VWA8: variants seen among roughly 807,000 people sequenced by gnomAD.
VWA8 encodes von Willebrand factor A domain containing 8.
Under a neutral mutation model 241.5 loss-of-function variants are expected in VWA8, and 221 were observed. The observed-to-expected ratio is 0.91, with a 90% CI of 0.82 to 1.02. The LOEUF is 1.02. Among genes scored for constraint, VWA8 ranks in the 50% least tolerant of loss-of-function variants. The probability of loss-of-function intolerance (pLI) is 0.00; values close to 1 mark genes in which losing one functional copy is unlikely to be tolerated. For synonymous variants in VWA8, 852 were observed against 827.1 expected (o/e 1.03, Z -0.52); for missense variants, 2,322 against 2,328.7 (o/e 1.00, Z 0.06).
At chr13:41,744,900 C>T (rs1353525160) in intron 21 of VWA8, among the ~76,000 whole-genome samples, 3 of 152,018 alleles carry the variant, frequency 2.0e-5, no homozygotes, top group Non-Finnish European at 4.4e-5. Context: ...TGCAGTGGCG[C>T]AATCTCGGCA....
intron 17 of VWA8, among the ~76,000 whole-genome samples, chr13:41,804,217 T>C (rs183825683): frequency 3.9e-5 from 6 of 151,932 alleles, no homozygotes; most frequent in Non-Finnish European, 2.9e-5. Flanking sequence ...CAAATTTAAC[T>C]CAAAAAAGAC....
intron 40 of VWA8, among the ~76,000 whole-genome samples, chr13:41,592,867 C>T (rs1260171420): frequency 1.3e-5 from 2 of 152,144 alleles, no homozygotes; most frequent in Non-Finnish European, 2.9e-5. Context: ...ATGAAGATAA[C>T]ACTAGTCTCT....
chr13:41,953,722 T>C (rs974368373), intron 1 of VWA8, among the ~76,000 whole-genome samples: 1 of 152,090 alleles, frequency 6.6e-6, no homozygotes, highest in Admixed American at 6.5e-5. Flanking sequence ...AGCAGGAGAA[T>C]TGCTTGAACC....
At chr13:41,829,580 C>T (rs1010596485) in intron 14 of VWA8, among the ~76,000 whole-genome samples, 41 of 151,726 alleles carry the variant, frequency 2.7e-4, no homozygotes, top group Non-Finnish European at 3.8e-4. Flanking sequence ...CACACACACA[C>T]ACACCATGGA....
intron 21 of VWA8, among the ~76,000 whole-genome samples, chr13:41,748,513 C>T (rs543479180): frequency 9.3e-4 from 141 of 152,110 alleles, no homozygotes; most frequent in Middle Eastern, 3.4e-3. Context: ...GTCTTGCTAG[C>T]GGTCTATCAA....
intron 2 of VWA8, among the ~76,000 whole-genome samples, chr13:41,947,346 G>C (rs907574754): frequency 1.3e-5 from 2 of 152,236 alleles, no homozygotes; most frequent in African/African-American, 4.8e-5. Flanking sequence ...AGAGTGGCAT[G>C]AGATGAGACT....
chr13:41,720,455 T>G (rs934251813), intron 25 of VWA8, among the ~76,000 whole-genome samples: 3 of 152,196 alleles, frequency 2.0e-5, no homozygotes, highest in African/African-American at 7.2e-5. Flanking sequence ...GGGTACAATG[T>G]GATATTCCAA....
intron 26 of VWA8, among the ~76,000 whole-genome samples, chr13:41,718,220 C>T (rs533554242): frequency 6.6e-5 from 10 of 151,990 alleles, no homozygotes; most frequent in Admixed American, 4.6e-4. Flanking sequence ...TAAAAGCCAT[C>T]TTATTTCCAG....
chr13:41,571,904 A>C (rs1221734435), intron 43 of VWA8, among the ~76,000 whole-genome samples: 2 of 150,408 alleles, frequency 1.3e-5, no homozygotes, highest in African/African-American at 4.9e-5. Flanking sequence ...GGAAGTGAGG[A>C]GTGTCTCTGC....
chr13:41,724,598 T>C (rs759157623), intron 24 of VWA8, among the ~76,000 whole-genome samples: 1 of 152,172 alleles, frequency 6.6e-6, no homozygotes, highest in Non-Finnish European at 1.5e-5. Context: ...GAAGACTTGG[T>C]TGTAGGAGTC....
chr13:41,617,224 T>C (rs1304663403), intron 37 of VWA8, among the ~76,000 whole-genome samples: 1 of 152,078 alleles, frequency 6.6e-6, no homozygotes, highest in Non-Finnish European at 1.5e-5. Flanking sequence ...GTTCAAACAA[T>C]TCTCCGGCCT....
At chr13:41,703,668 A>G (rs1251944956) in intron 26 of VWA8, among the ~76,000 whole-genome samples, 1 of 152,174 alleles carries the variant, frequency 6.6e-6, no homozygotes, top group Non-Finnish European at 1.5e-5. Context: ...AATACAATTG[A>G]TTTACATACA....
intron 8 of VWA8, 45 bp downstream of exon 8, chr13:41,885,875 T>G (rs751197581): frequency 5.4e-5 from 76 of 1,397,080 alleles, no homozygotes; most frequent in African/African-American, 8.9e-5. Flanking sequence ...CTTTCAAAAT[T>G]TTTAACATAT....
Position 41,611,781 on chromosome 13 carries a change from A to C in VWA8, c.4721-49T>G, listed in dbSNP as rs897082788. 5 of 1,607,238 alleles carry C rather than the reference A, an allele frequency of 3.1e-6. No individual in the cohort carries two copies. The African/African-American group carries it at 6.7e-5, about 21-fold the overall frequency. On this transcript the variant is annotated intron_variant, in intron 38 of 44. Transcript: ENST00000379310. ...AGATGATAAATCTGAACTTGACCAC[A>C]GAACAAAAGTTGGGTCATGGTTTTA...
intron 37 of VWA8, among the ~76,000 whole-genome samples, chr13:41,637,296 A>G (rs2044764893): frequency 6.6e-6 from 1 of 151,332 alleles, no homozygotes; most frequent in South Asian, 2.1e-4. Context: ...CATCATTCTC[A>G]GCAAACCATC....
At position 41,938,647 on chromosome 13, in the gene VWA8, T is replaced by C. The variant is rs1420492941; in HGVS notation, c.241+11289A>G. The stretch of plus-strand genomic sequence containing the variant: ...GCCTGAGTGACAGAGTGAGACTGCG[T>C]CTCAAAAAAAAAAAAAATACATCTA... On this transcript the variant is annotated intron_variant, in intron 2 of 44. Transcript: ENST00000379310. Among the ~76,000 whole-genome samples the C allele has an allele frequency of 2.1e-5, 3 of 144,358 alleles. No individual in the cohort carries two copies. The East Asian group carries it at 6.1e-4, about 29-fold the overall frequency. The allele number at this position is 144,358 out of a possible 152,430, so 94.7% of individuals were successfully genotyped here. A position where few individuals can be genotyped will look rare whatever the true frequency, so the allele number is the denominator to read the frequency against.
At chr13:41,763,881 G>A (rs1220009366) in intron 20 of VWA8, among the ~76,000 whole-genome samples, 2 of 152,156 alleles carry the variant, frequency 1.3e-5, no homozygotes, top group African/African-American at 2.4e-5. Flanking sequence ...CATAAATGTA[G>A]TTTGAGATGT....
intron 22 of VWA8, among the ~76,000 whole-genome samples, chr13:41,730,173 G>A (rs891560634): frequency 6.6e-6 from 1 of 152,068 alleles, no homozygotes; most frequent in African/African-American, 2.4e-5. Context: ...AAGACAAAGA[G>A]AATCAATGGT....
intron 36 of VWA8, among the ~76,000 whole-genome samples, chr13:41,673,915 C>T (rs1319736182): frequency 6.6e-6 from 1 of 152,042 alleles, no homozygotes. Context: ...AAATAAAAAA[C>T]TAGTGAGAGA....
Sources: allele counts gnomAD v4.1 joint callset (sites outside exome capture counted in the v4.1 genomes callset), GRCh38; gene constraint gnomAD v4.1.1; transcripts MANE v1.5; gene names NCBI Gene and HGNC (gene_info 2026-07-23, HGNC 2026-07-21).